The following GRIA3 variants were observed in gnomAD, a reference collection of about 807,000 sequenced individuals.
The protein encoded by GRIA3 is glutamate receptor 3.
A neutral mutation model predicts 63.0 loss-of-function variants in GRIA3; 3 were observed. The observed-to-expected ratio is 0.05, with a 90% CI of 0.02 to 0.12. The LOEUF (loss-of-function observed/expected upper bound fraction) is 0.12. Among genes scored for constraint, GRIA3 ranks in the 10% least tolerant of loss-of-function variants. The pLI, the probability that GRIA3 is intolerant of heterozygous loss-of-function variation, is 1.00. For synonymous variants in GRIA3, 274 were observed against 257.9 expected, an observed-to-expected ratio of 1.06 and a Z score of -0.60; for missense variants, 347 against 700.9, an observed-to-expected ratio of 0.50 and a Z score of 5.70.
intron 3 of GRIA3, among the ~76,000 whole-genome samples, chrX:123,294,630 G>A (rs1017949317): frequency 9.0e-6 from 1 of 111,003 alleles, no homozygotes; most frequent in Non-Finnish European, 1.9e-5. Flanking sequence ...ACAGGAAAAG[G>A]AAGAAGTTAT....
chrX:123,366,242 T>C (rs746237369), intron 5 of GRIA3, among the ~76,000 whole-genome samples: 1 of 111,401 alleles, frequency 9.0e-6, no homozygotes, highest in Non-Finnish European at 1.9e-5. Context: ...GCCCAGTAGG[T>C]CTCAGCCTTA....
At chrX:123,483,095 A>T in intron 15 of GRIA3, 49 bp downstream of exon 15, 1 of 1,057,129 alleles carries the variant, frequency 9.5e-7, no homozygotes, top group Non-Finnish European at 1.3e-6. Flanking sequence ...ACTGTATGTC[A>T]ATCTCTTTTT....
At chrX:123,322,419 C>A (rs929111143) in intron 3 of GRIA3, among the ~76,000 whole-genome samples, 18 of 111,659 alleles carry the variant, frequency 1.6e-4, no homozygotes, top group African/African-American at 5.5e-4. Context: ...AAATTGGGCA[C>A]GTTAAAGCTC....
At chrX:123,265,465 T>C (rs2044482445) in intron 3 of GRIA3, among the ~76,000 whole-genome samples, 1 of 112,230 alleles carries the variant, frequency 8.9e-6, no homozygotes, top group Admixed American at 9.4e-5. Flanking sequence ...AAGAAAATCA[T>C]AAAGAAGAGA....
chrX:123,464,483 G>A (rs955592671), intron 12 of GRIA3, among the ~76,000 whole-genome samples: 3 of 111,691 alleles, frequency 2.7e-5, no homozygotes, highest in African/African-American at 6.5e-5. Context: ...ATCCTGCTAC[G>A]ATTAGATAAA....
At chrX:123,203,224 G>C (rs1479312840) in intron 2 of GRIA3, among the ~76,000 whole-genome samples, 1 of 111,528 alleles carries the variant, frequency 9.0e-6, no homozygotes, top group Admixed American at 9.5e-5. Context: ...ATTTAGGGCT[G>C]CTTGGCTCAA....
intron 12 of GRIA3, among the ~76,000 whole-genome samples, chrX:123,442,748 T>C (rs2045682061): frequency 2.7e-5 from 3 of 111,511 alleles, no homozygotes; most frequent in Non-Finnish European, 5.6e-5. Context: ...CAATAATCTG[T>C]GTTTTTAAAG....
At chrX:123,194,893 G>C (rs116307912) in intron 2 of GRIA3, among the ~76,000 whole-genome samples, 1,243 of 112,510 alleles carry the variant, frequency 0.011, 12 homozygotes, top group African/African-American at 0.037. Flanking sequence ...GCAAGCATTA[G>C]AGAGTTTGGC....
At chrX:123,211,866 A>G (rs1299762908) in intron 2 of GRIA3, among the ~76,000 whole-genome samples, 1 of 111,331 alleles carries the variant, frequency 9.0e-6, no homozygotes, top group East Asian at 2.8e-4. Context: ...TCATACACAC[A>G]CATACTCCAC....
At chrX:123,488,129 G>A (rs367692655) in intron 15 of GRIA3, among the ~76,000 whole-genome samples, 33 of 112,024 alleles carry the variant, frequency 2.9e-4, no homozygotes, top group African/African-American at 1.0e-3. Flanking sequence ...ATATGTCAGG[G>A]CAAAGACCGC....
intron 5 of GRIA3, among the ~76,000 whole-genome samples, chrX:123,359,650 C>G (rs951209719): frequency 1.8e-5 from 2 of 112,147 alleles, no homozygotes; most frequent in Non-Finnish European, 3.8e-5. Context: ...AACAGTCTAG[C>G]AGATTACACA....
At chrX:123,317,713 T>G (rs2044841051) in intron 3 of GRIA3, among the ~76,000 whole-genome samples, 1 of 111,910 alleles carries the variant, frequency 8.9e-6, no homozygotes, top group Admixed American at 9.4e-5. Context: ...CCAGCTGCTT[T>G]CATGGGCTAG....
intron 4 of GRIA3, among the ~76,000 whole-genome samples, chrX:123,339,382 C>CA (rs2044994929): frequency 8.9e-6 from 1 of 111,960 alleles, no homozygotes; most frequent in Admixed American, 9.5e-5. Context: ...AGCAAGACAT[C>CA]ATGACTAATC....
At chrX:123,383,994 A>G (rs773198945) in intron 5 of GRIA3, among the ~76,000 whole-genome samples, 3 of 111,817 alleles carry the variant, frequency 2.7e-5, no homozygotes, top group African/African-American at 9.8e-5. Context: ...TTGGCTAAGG[A>G]TAACGGCCTC....
intron 5 of GRIA3, among the ~76,000 whole-genome samples, chrX:123,355,406 A>G (rs1435230045): frequency 8.9e-6 from 1 of 112,085 alleles, no homozygotes; most frequent in Non-Finnish European, 1.9e-5. Flanking sequence ...AACACAGTAC[A>G]TTATATGACC....
intron 2 of GRIA3, among the ~76,000 whole-genome samples, chrX:123,229,432 T>C (rs2044265237): frequency 8.9e-6 from 1 of 111,933 alleles, no homozygotes; most frequent in Non-Finnish European, 1.9e-5. Context: ...AATTATTTAT[T>C]AAACAAAACT....
intron 3 of GRIA3, among the ~76,000 whole-genome samples, chrX:123,272,417 G>T: frequency 8.9e-6 from 1 of 112,144 alleles, no homozygotes; most frequent in Non-Finnish European, 1.9e-5. Context: ...TCTGAATAGT[G>T]GGTGCAGAAG....
intron 10 of GRIA3, among the ~76,000 whole-genome samples, chrX:123,409,752 T>C (rs1436685219): frequency 1.8e-5 from 2 of 111,751 alleles, no homozygotes; most frequent in African/African-American, 6.5e-5. Context: ...CAAATGCATA[T>C]GGGGACCAGC....
intron 3 of GRIA3, among the ~76,000 whole-genome samples, chrX:123,291,625 A>T (rs6608067): frequency 0.5 from 55,125 of 109,598 alleles, 10,615 homozygotes; most frequent in African/African-American, 0.68. Flanking sequence ...TAAAAGAATA[A>T]CATCAAAGAC....
Sources: gnomAD v4.1 joint callset for allele counts (sites outside exome capture counted in the v4.1 genomes callset) on GRCh38, gnomAD v4.1.1 for gene constraint, MANE v1.5 for transcripts, NCBI Gene and HGNC (gene_info 2026-07-23, HGNC 2026-07-21) for gene names.